USP14: variants seen among roughly 807,000 people sequenced by gnomAD.
USP14 encodes the protein ubiquitin specific peptidase 14.
USP14 carries 38 observed loss-of-function variants against 76.5 expected under a neutral mutation model. That is an observed-to-expected ratio of 0.50 (90% CI 0.38 to 0.65). USP14 has a LOEUF of 0.65. USP14 is among the 30% of genes least tolerant of loss of function. The probability of loss-of-function intolerance (pLI) is 0.00; values close to 1 mark genes in which losing one functional copy is unlikely to be tolerated. For synonymous variants in USP14, 192 were observed against 191.7 expected, an observed-to-expected ratio of 1.00 and a Z score of -0.01; for missense variants, 467 against 586.5, an observed-to-expected ratio of 0.80 and a Z score of 2.10.
rs1212080575 is a variant in USP14 at position 212,141 on chromosome 18, CTG to C, written c.*860_*861del. ...CAATTTCTGAAGATGGTTATTAACA[CTG>C]TGCTGTTAAGCATCCATTTAAAAAT... On this transcript the variant is annotated 3_prime_UTR_variant, in exon 16 of 16. Transcript: ENST00000261601. The C allele has an allele frequency of 6.6e-6, 1 of 152,018 alleles. No individual in the cohort carries two copies. The highest frequency in any genetic ancestry group is 2.4e-5 in the African/African-American group (1 of 41,420). 9.4% of individuals were successfully genotyped at this position (152,018 alleles called of 1,614,324 possible). A position where few individuals can be genotyped will look rare whatever the true frequency, so the allele number is the denominator to read the frequency against.
chr18:160,221 T>G (rs148827619), intron 1 of USP14, among the ~76,000 whole-genome samples: 2,440 of 152,238 alleles, frequency 0.016, 73 homozygotes, highest in African/African-American at 0.056. Context: ...GGAGAATCGC[T>G]TGAACCTGTG....
At chr18:189,472 TTTTG>T (rs1225281520) in intron 5 of USP14, among the ~76,000 whole-genome samples, 1 of 151,794 alleles carries the variant, frequency 6.6e-6, no homozygotes, top group Non-Finnish European at 1.5e-5. Flanking sequence ...TTTAGCTCAG[TTTTG>T]TTTGTTTTTT....
Position 211,441 on chromosome 18 carries a change from T to A in USP14, c.*157T>A. On this transcript the variant is annotated 3_prime_UTR_variant, in exon 16 of 16. Transcript: ENST00000261601. ...AAGCAGACCACTCTGTGCACCAACCTAAAAAATTACAGAGAAGAGAAAATT... is the reference window on the plus strand; with the variant it reads ...AAGCAGACCACTCTGTGCACCAACCAAAAAAATTACAGAGAAGAGAAAATT... 1 of 643,702 alleles carries A rather than the reference T, an allele frequency of 1.6e-6. No individual in the cohort carries two copies. The highest frequency in any genetic ancestry group is 2.4e-6 in the Non-Finnish European group (1 of 415,372). 39.9% of individuals were successfully genotyped at this position (643,702 alleles called of 1,614,324 possible).
chr18:207,961 T>G (rs1910573325), intron 13 of USP14, among the ~76,000 whole-genome samples: 1 of 152,172 alleles, frequency 6.6e-6, no homozygotes, highest in Admixed American at 6.5e-5. Flanking sequence ...ATTTATTAGC[T>G]GTTTTTATCC....
chr18:180,882 C>T (rs1909770313), intron 5 of USP14, among the ~76,000 whole-genome samples: 1 of 146,322 alleles, frequency 6.8e-6, no homozygotes. Flanking sequence ...ACACGTAACA[C>T]CTCATTCCTA....
intron 3 of USP14, among the ~76,000 whole-genome samples, chr18:173,743 T>G (rs1909544423): frequency 1.3e-5 from 2 of 152,204 alleles, no homozygotes; most frequent in African/African-American, 4.8e-5. Flanking sequence ...TTTGAGTAAA[T>G]TCTTGTGTTT....
chr18:164,734 G>A (rs1484770653), intron 2 of USP14, among the ~76,000 whole-genome samples: 2 of 152,086 alleles, frequency 1.3e-5, no homozygotes, highest in Admixed American at 6.6e-5. Flanking sequence ...GATTACAGGC[G>A]TGAGCCACTG....
At chr18:207,003 T>C (rs1910546518) in intron 13 of USP14, among the ~76,000 whole-genome samples, 1 of 152,200 alleles carries the variant, frequency 6.6e-6, no homozygotes, top group South Asian at 2.1e-4. Context: ...TAGTGTGAGG[T>C]GTGGGTTCAG....
intron 5 of USP14, among the ~76,000 whole-genome samples, chr18:180,696 C>G (rs538443148): frequency 6.6e-6 from 1 of 152,300 alleles, no homozygotes; most frequent in Non-Finnish European, 1.5e-5. Flanking sequence ...CTTTTTGCGG[C>G]TAACTTCTTT....
intron 3 of USP14, among the ~76,000 whole-genome samples, chr18:173,554 G>A (rs555421881): frequency 6.6e-6 from 1 of 152,232 alleles, no homozygotes; most frequent in East Asian, 1.9e-4. Context: ...TGGGATTAAA[G>A]GCATGCACCA....
intron 1 of USP14, 193 bp downstream of exon 1, chr18:158,907 G>C: frequency 1.1e-6 from 1 of 904,028 alleles, no homozygotes. Flanking sequence ...TGGCAGGGGA[G>C]CGCCGTCCCC....
chr18:199,595 C>G (rs938204638), intron 10 of USP14, among the ~76,000 whole-genome samples: 1 of 152,070 alleles, frequency 6.6e-6, no homozygotes, highest in Admixed American at 6.6e-5. Flanking sequence ...TTTAAGATGA[C>G]CCCCCAAGCA....
rs200450700 is a variant in USP14, at chr18:176,958, A to G, written c.196-1975A>G. Among the ~76,000 whole-genome samples the G allele has an allele frequency of 1.9e-4, 29 of 152,248 alleles. No homozygotes were observed. In the East Asian group the frequency reaches 5.4e-3, roughly 28 times the overall value. On this transcript the variant is annotated intron_variant, in intron 3 of 15. Coordinates refer to ENST00000261601, the MANE Select transcript of USP14 (RefSeq NM_005151.4). ...AAATTTCTTAGCTATTATCCTGGGT[A>G]TAAATTTGCTGCATGAATGAATCAT... is the stretch of plus-strand genomic sequence containing the variant.
intron 3 of USP14, among the ~76,000 whole-genome samples, chr18:173,607 G>A (rs947958699): frequency 2.6e-5 from 4 of 151,150 alleles, no homozygotes; most frequent in African/African-American, 9.7e-5. Context: ...GTATGTTGTT[G>A]GTCAGACTGG....
At chr18:166,335 A>T (rs1041773144) in intron 2 of USP14, among the ~76,000 whole-genome samples, 37 of 151,804 alleles carry the variant, frequency 2.4e-4, no homozygotes, top group Non-Finnish European at 2.2e-4. Context: ...TTTAAAAAAA[A>T]TTTTTGTTTT....
At chr18:171,785 T>A (rs1261650216) in intron 3 of USP14, among the ~76,000 whole-genome samples, 2 of 152,228 alleles carry the variant, frequency 1.3e-5, no homozygotes, top group East Asian at 3.8e-4. Flanking sequence ...TTCACCTGAA[T>A]TCTTGATACC....
chr18:206,710 G>A (rs1490747072), intron 13 of USP14, among the ~76,000 whole-genome samples: 5 of 152,140 alleles, frequency 3.3e-5, no homozygotes, highest in Non-Finnish European at 5.9e-5. Context: ...GACCAGCCTG[G>A]CAAACATGGT....
intron 13 of USP14, among the ~76,000 whole-genome samples, chr18:205,423 A>G (rs1023697972): frequency 1.3e-5 from 2 of 152,104 alleles, no homozygotes; most frequent in Non-Finnish European, 2.9e-5. Context: ...CTTCTGCCCT[A>G]CCCCTTCCTT....
chr18:163,384 T>C lies in USP14; in HGVS notation c.93T>C (p.Ala31=), dbSNP rs1299413800. 1 of 1,614,106 alleles carries C rather than the reference T, an allele frequency of 6.2e-7. No individual in the cohort carries two copies. The highest frequency in any genetic ancestry group is 8.5e-7 in the Non-Finnish European group (1 of 1,179,984). Residue 31 remains alanine (A), a synonymous_variant, in exon 2 of 16, where the codon GCT becomes GCC. Coordinates refer to ENST00000261601, the MANE Select transcript of USP14 (RefSeq NM_005151.4). ...ATGAACCTCCAATGGTATTCAAGGCTCAGCTGTTTGCGTTGACTGGAGTCC... is the reference window on the plus strand; with the variant it reads ...ATGAACCTCCAATGGTATTCAAGGCCCAGCTGTTTGCGTTGACTGGAGTCC... ...NTDEPPMVFK[A]QLFALTGVQP... is the part of the protein sequence containing the mutation.
Sources: allele counts gnomAD v4.1 joint callset (sites outside exome capture counted in the v4.1 genomes callset), GRCh38; gene constraint gnomAD v4.1.1; transcripts MANE v1.5; gene names NCBI Gene and HGNC (gene_info 2026-07-23, HGNC 2026-07-21).